Variants in ARHGAP15 observed in about 807,000 individuals in gnomAD.
ARHGAP15 encodes the protein Rho GTPase activating protein 15, also known as rho GTPase-activating protein 15.
Under a neutral mutation model 63.7 loss-of-function variants are expected in ARHGAP15, and 51 were observed. The ratio of observed to expected loss-of-function variants is 0.80; its 90% CI spans 0.64 to 1.01. ARHGAP15 has a LOEUF of 1.01. Among genes scored for constraint, ARHGAP15 ranks in the 50% least tolerant of loss-of-function variants. The pLI, the probability that ARHGAP15 is intolerant of heterozygous loss-of-function variation, is 0.00. For synonymous variants in ARHGAP15, 191 were observed against 193.8 expected, an observed-to-expected ratio of 0.99 and a Z score of 0.12; for missense variants, 560 against 564.6, an observed-to-expected ratio of 0.99 and a Z score of 0.08.
At chr2:143,285,440 T>C (rs1468643330) in intron 6 of ARHGAP15, among the ~76,000 whole-genome samples, 1 of 152,180 alleles carries the variant, frequency 6.6e-6, no homozygotes, top group Admixed American at 6.5e-5. Flanking sequence ...TTGTTTGCTT[T>C]AGAAATATTA....
intron 9 of ARHGAP15, 58 bp downstream of exon 9, chr2:143,487,553 C>A: frequency 6.5e-7 from 1 of 1,536,014 alleles, no homozygotes; most frequent in South Asian, 1.3e-5. Flanking sequence ...CCTCTGTGTT[C>A]ATAGCTAATC....
intron 2 of ARHGAP15, among the ~76,000 whole-genome samples, chr2:143,166,001 A>ACAAAGAAAGAAGGAAG (rs1553442878): frequency 3.0e-5 from 3 of 101,110 alleles, no homozygotes; most frequent in African/African-American, 1.4e-4. Flanking sequence ...AAAGAAAGAA[A>ACAAAGAAAGAAGGAAG]GAAGGAAGGA....
intron 10 of ARHGAP15, among the ~76,000 whole-genome samples, chr2:143,538,990 G>T (rs1230002944): frequency 1.3e-5 from 2 of 152,126 alleles, no homozygotes; most frequent in African/African-American, 4.8e-5. Flanking sequence ...GTAGAATTCG[G>T]CTGTGAATCC....
In ARHGAP15 at chr2:143,431,967, G is replaced by C. The variant is rs180880261; in HGVS notation, c.475-3634G>C. Among the ~76,000 whole-genome samples the C allele has an allele frequency of 3.9e-5, 6 of 151,906 alleles. No homozygotes were observed. The East Asian group carries it at 1.2e-3, about 29-fold the overall frequency. On this transcript the variant is annotated intron_variant, in intron 6 of 13. Coordinates refer to ENST00000295095, the MANE Select transcript of ARHGAP15 (RefSeq NM_018460.4). ...ATCTCCCCATGTGCATCTGAAGTCA[G>C]TTGGAAGCTGGTAATATTTTACCAT...
chr2:143,622,867 G>C (rs1000022012), intron 11 of ARHGAP15, among the ~76,000 whole-genome samples: 1 of 150,042 alleles, frequency 6.7e-6, no homozygotes, highest in African/African-American at 2.5e-5. Context: ...TAGCAAAACA[G>C]CCCATGCAGA....
chr2:143,587,091 T>G (rs1697137337), intron 11 of ARHGAP15, among the ~76,000 whole-genome samples: 1 of 152,160 alleles, frequency 6.6e-6, no homozygotes, highest in Non-Finnish European at 1.5e-5. Flanking sequence ...CCACCTCCCT[T>G]GACTTTCTGC....
At chr2:143,239,617 G>C (rs1358855152) in intron 5 of ARHGAP15, among the ~76,000 whole-genome samples, 2 of 152,070 alleles carry the variant, frequency 1.3e-5, no homozygotes, top group African/African-American at 4.8e-5. Context: ...AGCAAAAATG[G>C]GCAACATAAA....
chr2:143,768,269 A>T lies in ARHGAP15; in HGVS notation c.*97A>T, dbSNP rs1027478818. 6 of 1,210,842 alleles carry T rather than the reference A, an allele frequency of 5.0e-6. No individual in the cohort carries two copies. Among genetic ancestry groups the T allele is most frequent in the Non-Finnish European group, 4.6e-6 (4 of 878,830 alleles). 75.0% of individuals were successfully genotyped at this position (1,210,842 alleles called of 1,614,324 possible). ...ATTTCTGAAATATTTTTTGCCTTTC[A>T]AGCGACAGATGCCTCATTTTGTGAA... On this transcript the variant is annotated 3_prime_UTR_variant, in exon 14 of 14. Transcript: ENST00000295095.
intron 9 of ARHGAP15, among the ~76,000 whole-genome samples, chr2:143,503,591 A>G (rs970006478): frequency 1.3e-5 from 2 of 152,248 alleles, no homozygotes; most frequent in African/African-American, 4.8e-5. Context: ...TCCCAGTTCT[A>G]CTTAGTATTG....
chr2:143,290,987 T>C (rs1195019743), intron 6 of ARHGAP15, among the ~76,000 whole-genome samples: 2 of 152,048 alleles, frequency 1.3e-5, no homozygotes, highest in Non-Finnish European at 2.9e-5. Context: ...GACAGGGTGT[T>C]ATGAAGTGGC....
At chr2:143,741,457 A>T (rs1685960125) in intron 13 of ARHGAP15, among the ~76,000 whole-genome samples, 1 of 152,196 alleles carries the variant, frequency 6.6e-6, no homozygotes, top group African/African-American at 2.4e-5. Context: ...AAAAGGTTGG[A>T]ATGAATTTTT....
intron 6 of ARHGAP15, among the ~76,000 whole-genome samples, chr2:143,318,302 G>C (rs750707113): frequency 1.3e-5 from 2 of 151,872 alleles, no homozygotes; most frequent in Non-Finnish European, 2.9e-5. Flanking sequence ...CACCATGCCC[G>C]TCCCATAAAA....
At chr2:143,576,518 A>T (rs1696687132) in intron 11 of ARHGAP15, among the ~76,000 whole-genome samples, 1 of 152,118 alleles carries the variant, frequency 6.6e-6, no homozygotes, top group Non-Finnish European at 1.5e-5. Context: ...CCGGTTTAAG[A>T]TATTGGATTA....
chr2:143,485,943 G>A (rs1359095019), intron 8 of ARHGAP15, among the ~76,000 whole-genome samples: 1 of 152,108 alleles, frequency 6.6e-6, no homozygotes, highest in Non-Finnish European at 1.5e-5. Context: ...TCCCAGCTAG[G>A]AGATAAGCAG....
At chr2:143,652,133 A>G (rs377587870) in intron 12 of ARHGAP15, among the ~76,000 whole-genome samples, 1 of 152,028 alleles carries the variant, frequency 6.6e-6, no homozygotes, top group South Asian at 2.1e-4. Flanking sequence ...TAAGTTTGAG[A>G]GTCAGATAGT....
intron 2 of ARHGAP15, among the ~76,000 whole-genome samples, chr2:143,174,236 C>A (rs987641195): frequency 6.6e-6 from 1 of 152,048 alleles, no homozygotes; most frequent in Non-Finnish European, 1.5e-5. Context: ...GAAACGTTAT[C>A]TCTCATATTG....
intron 6 of ARHGAP15, among the ~76,000 whole-genome samples, chr2:143,298,139 A>C (rs1436326347): frequency 1.3e-5 from 2 of 152,000 alleles, no homozygotes; most frequent in African/African-American, 4.8e-5. Context: ...ATAGATAACT[A>C]GAGTTGATTT....
chr2:143,456,244 T>C (rs1244401167), intron 8 of ARHGAP15, among the ~76,000 whole-genome samples: 2 of 152,126 alleles, frequency 1.3e-5, no homozygotes, highest in African/African-American at 2.4e-5. Flanking sequence ...GCTATTAACA[T>C]TGAGACTTCT....
At chr2:143,410,383 G>A (rs1688391929) in intron 6 of ARHGAP15, among the ~76,000 whole-genome samples, 1 of 152,110 alleles carries the variant, frequency 6.6e-6, no homozygotes, top group African/African-American at 2.4e-5. Flanking sequence ...CTTATTAATT[G>A]ACACCAGGCT....
Sources: allele counts gnomAD v4.1 joint callset (sites outside exome capture counted in the v4.1 genomes callset), GRCh38; gene constraint gnomAD v4.1.1; transcripts MANE v1.5; gene names NCBI Gene and HGNC (gene_info 2026-07-23, HGNC 2026-07-21).